The following TMEM62 variants were observed in gnomAD, a reference collection of about 807,000 sequenced individuals.
TMEM62 encodes the protein transmembrane protein 62.
TMEM62 carries 41 observed loss-of-function variants against 70.4 expected under a neutral mutation model. The ratio of observed to expected loss-of-function variants is 0.58; its 90% CI spans 0.45 to 0.76. TMEM62 has a LOEUF of 0.76. TMEM62 is among the 30% of genes least tolerant of loss of function. The pLI, the probability that TMEM62 is intolerant of heterozygous loss-of-function variation, is 0.00. For missense variants in TMEM62, 688 were observed against 788.5 expected (o/e 0.87, Z 1.53); for synonymous variants, 268 against 291.0 (o/e 0.92, Z 0.80).
chr15:43,146,339 C>G, intron 4 of TMEM62, 154 bp from the exon 5 acceptor site: 3 of 654,796 alleles, frequency 4.6e-6, no homozygotes, highest in Admixed American at 2.8e-5. Context: ...TTTGAAATTT[C>G]ATCAGTTTAT....
At chr15:43,134,431 G>A in intron 2 of TMEM62, 63 bp downstream of exon 2, 1 of 1,355,394 alleles carries the variant, frequency 7.4e-7, no homozygotes, top group Non-Finnish European at 1.0e-6. Context: ...TCTAGCCAGG[G>A]CTGTGGCTTT....
intron 10 of TMEM62, among the ~76,000 whole-genome samples, chr15:43,168,778 C>G (rs2039875551): frequency 6.6e-6 from 1 of 152,138 alleles, no homozygotes; most frequent in Non-Finnish European, 1.5e-5. Context: ...AACATAGTAC[C>G]CAGATTTGCC....
At chr15:43,134,045 T>C in intron 1 of TMEM62, 63 bp downstream of exon 1, 1 of 1,437,698 alleles carries the variant, frequency 7.0e-7, no homozygotes, top group Non-Finnish European at 9.1e-7. Context: ...GGTGGGACCC[T>C]TGCGGGTGTT....
At chr15:43,134,203 C>A in intron 1 of TMEM62, 54 bp from the exon 2 acceptor site, 3 of 1,574,782 alleles carry the variant, frequency 1.9e-6, no homozygotes, top group South Asian at 1.1e-5. Flanking sequence ...CCGCCCCTCC[C>A]CATGCTGCCT....
rs2038606623 is a variant in TMEM62 at position 43,160,747 on chromosome 15, T to G, written c.1249T>G (p.Phe417Val). The change falls in exon 10 of 14, where the codon TTT becomes GTT. Residue 417 changes from phenylalanine (F) to valine (V), a missense_variant. Phe to Val is a conservative substitution (Grantham distance 50, BLOSUM62 -1). Transcript: ENST00000260403. ...TGTTCAAGAGAATAATCATCTCAGT[T>G]TTGATCCCCTGGCATCATTTATTCT... ...FSVQENNHLS[F>V]DPLASFILRT... The G allele has an allele frequency of 6.2e-7, 1 of 1,612,970 alleles. No homozygotes were observed. Among genetic ancestry groups the G allele is most frequent in the Admixed American group, 1.7e-5 (1 of 59,982 alleles).
In TMEM62 at chr15:43,135,413, C is replaced by CT. The variant is rs1252187310; in HGVS notation, c.293-96dup. 11 of 1,270,714 alleles carry CT rather than the reference C, an allele frequency of 8.7e-6. No homozygotes were observed. The South Asian group carries it at 1.1e-4, about 13-fold the overall frequency. The allele number at this position is 1,270,714 out of a possible 1,614,324, so 78.7% of individuals were successfully genotyped here. ...CAGTTATGCTTATACACGTTGAGTGCTTTAAGTATCCTTGTTCCTTCAGTG... is the reference window on the plus strand; with the variant it reads ...CAGTTATGCTTATACACGTTGAGTGCTTTTAAGTATCCTTGTTCCTTCAGTG... On this transcript the variant is annotated intron_variant, in intron 2 of 13. Coordinates refer to ENST00000260403, the MANE Select transcript of TMEM62 (RefSeq NM_024956.4).
rs755543191 is a variant in TMEM62, at chr15:43,184,400, G to A, written c.1746G>A (p.Leu582=). ...CTGTTCACCTACTTATGCTACTGCT[G>A]TACATCTGGCAGGTTTATTCCTGCT... ...IMPVHLLMLL[L]YIWQVYSCYF... is the part of the protein sequence containing the mutation. Residue 582 remains leucine (L), a synonymous_variant, in exon 14 of 14, where the codon CTG becomes CTA. Coordinates refer to ENST00000260403, the MANE Select transcript of TMEM62 (RefSeq NM_024956.4). 8 of 1,614,100 alleles carry A rather than the reference G, an allele frequency of 5.0e-6. No homozygotes were observed. The South Asian group carries it at 8.8e-5, about 18-fold the overall frequency.
Position 43,184,860 on chromosome 15 carries a change from G to A in TMEM62, c.*274G>A, listed in dbSNP as rs2041744969. The A allele has an allele frequency of 3.9e-5, 19 of 485,560 alleles. No individual in the cohort carries two copies. The South Asian group carries it at 4.6e-4, about 12-fold the overall frequency. 30.1% of individuals were successfully genotyped at this position (485,560 alleles called of 1,614,324 possible). On this transcript the variant is annotated 3_prime_UTR_variant, in exon 14 of 14. Transcript: ENST00000260403. ...TTGTGAAGAGAAAACCCTTATCTAG[G>A]ACATCCACAGGGTAGAGGTTGGGTG... is the stretch of plus-strand genomic sequence containing the variant.
intron 7 of TMEM62, among the ~76,000 whole-genome samples, chr15:43,149,701 C>T (rs890927879): frequency 6.6e-6 from 1 of 152,118 alleles, no homozygotes; most frequent in Non-Finnish European, 1.5e-5. Context: ...GGATTACAGG[C>T]GTGAGCCATG....
intron 9 of TMEM62, among the ~76,000 whole-genome samples, chr15:43,155,160 G>A (rs1251312505): frequency 5.3e-5 from 8 of 152,164 alleles, no homozygotes; most frequent in Non-Finnish European, 2.9e-5. Context: ...AGCCCAGGAG[G>A]TAGAGGTTGC....
chr15:43,178,007 TAA>T (rs546631781), intron 11 of TMEM62, among the ~76,000 whole-genome samples: 2 of 150,708 alleles, frequency 1.3e-5, no homozygotes, highest in African/African-American at 4.9e-5. Context: ...TAATAAAAAT[TAA>T]AAAAAAAGAA....
At chr15:43,169,283 T>G (rs1374501847) in intron 10 of TMEM62, 1 of 230,574 alleles carries the variant, frequency 4.3e-6, no homozygotes, top group Non-Finnish European at 8.4e-6. Flanking sequence ...CCATCTTGCT[T>G]TACCTCCTCC....
At chr15:43,173,855 CT>C (rs751203696) in intron 11 of TMEM62, among the ~76,000 whole-genome samples, 40,637 of 107,198 alleles carry the variant, frequency 0.38, 8,519 homozygotes, top group East Asian at 0.54. Context: ...AATGCAGGAA[CT>C]TTTTTTTTTT....
chr15:43,167,495 G>C (rs1404283253), intron 10 of TMEM62, among the ~76,000 whole-genome samples: 1 of 150,514 alleles, frequency 6.6e-6, no homozygotes, highest in Non-Finnish European at 1.5e-5. Flanking sequence ...GGGGCGGCAG[G>C]GCAGAGGCGC....
At chr15:43,135,908 T>C (rs1249221789) in intron 3 of TMEM62, 1 of 295,976 alleles carries the variant, frequency 3.4e-6, no homozygotes, top group Non-Finnish European at 6.2e-6. Context: ...CTTTAAGTTC[T>C]GGGATACATG....
At chr15:43,180,730 T>C (rs1238791038) in intron 12 of TMEM62, 1 of 153,308 alleles carries the variant, frequency 6.5e-6, no homozygotes, top group Non-Finnish European at 1.5e-5. Context: ...ACATTCATTA[T>C]ATTAACGAGT....
At chr15:43,172,947 G>T (rs1236932163) in intron 11 of TMEM62, among the ~76,000 whole-genome samples, 1 of 152,094 alleles carries the variant, frequency 6.6e-6, no homozygotes, top group Non-Finnish European at 1.5e-5. Context: ...ATTAATTCAG[G>T]CCAGGTGCAG....
At chr15:43,168,356 G>A (rs2039818198) in intron 10 of TMEM62, among the ~76,000 whole-genome samples, 1 of 152,128 alleles carries the variant, frequency 6.6e-6, no homozygotes, top group African/African-American at 2.4e-5. Context: ...ACTGGGTCTT[G>A]TCCAAGTTCT....
intron 3 of TMEM62, among the ~76,000 whole-genome samples, chr15:43,137,039 C>T (rs1451715147): frequency 1.3e-5 from 2 of 152,160 alleles, no homozygotes; most frequent in African/African-American, 4.8e-5. Context: ...AGGTGTGAGT[C>T]ACTGCACCTA....
Sources: gnomAD v4.1 joint callset for allele counts (sites outside exome capture counted in the v4.1 genomes callset) on GRCh38, gnomAD v4.1.1 for gene constraint, MANE v1.5 for transcripts, NCBI Gene and HGNC (gene_info 2026-07-23, HGNC 2026-07-21) for gene names.